Variants in ZNF423 observed in about 807,000 individuals in gnomAD.
ZNF423 encodes the protein zinc finger protein 423.
In ZNF423, 12 loss-of-function variants were observed where a neutral mutation model predicts 95.8. The observed-to-expected ratio is 0.13, with a 90% CI of 0.08 to 0.20. The LOEUF (loss-of-function observed/expected upper bound fraction) is 0.20, where lower values mean the gene tolerates loss of function less well. Among genes scored for constraint, ZNF423 ranks in the 10% least tolerant of loss-of-function variants. The pLI is 1.00. For missense variants in ZNF423, 1,316 were observed against 1,737.1 expected, an observed-to-expected ratio of 0.76 and a Z score of 4.31; for synonymous variants, 749 against 711.9, an observed-to-expected ratio of 1.05 and a Z score of -0.83.
chr16:49,720,018 T>C (rs939087641), intron 3 of ZNF423, among the ~76,000 whole-genome samples: 5 of 151,998 alleles, frequency 3.3e-5, no homozygotes, highest in African/African-American at 4.8e-5. Context: ...GACCTGAACA[T>C]AATATTGTAG....
intron 1 of ZNF423, among the ~76,000 whole-genome samples, chr16:49,794,501 C>A (rs1444786139): frequency 2.0e-5 from 3 of 152,212 alleles, no homozygotes; most frequent in Non-Finnish European, 4.4e-5. Context: ...TACGGCCCCC[C>A]ACACAAGCTC....
intron 7 of ZNF423, among the ~76,000 whole-genome samples, chr16:49,502,783 T>A: frequency 7.0e-6 from 1 of 142,426 alleles, no homozygotes; most frequent in African/African-American, 2.8e-5. Flanking sequence ...CACACACAAA[T>A]ACTCTAGACA....
At chr16:49,751,785 G>C (rs2033637517) in intron 2 of ZNF423, among the ~76,000 whole-genome samples, 1 of 152,174 alleles carries the variant, frequency 6.6e-6, no homozygotes, top group African/African-American at 2.4e-5. Flanking sequence ...AATAATGATG[G>C]GATCAGCCTT....
chr16:49,736,391 CA>C (rs1240203528), intron 2 of ZNF423, among the ~76,000 whole-genome samples: 3 of 152,192 alleles, frequency 2.0e-5, no homozygotes, highest in African/African-American at 7.2e-5. Flanking sequence ...AACCCCACTA[CA>C]CCACACCCAC....
At chr16:49,805,809 G>A (rs987575093) in intron 1 of ZNF423, among the ~76,000 whole-genome samples, 1 of 152,170 alleles carries the variant, frequency 6.6e-6, no homozygotes, top group African/African-American at 2.4e-5. Flanking sequence ...TTATTTTAAA[G>A]ACAAAGTGAA....
intron 3 of ZNF423, among the ~76,000 whole-genome samples, chr16:49,716,819 G>A (rs79612387): frequency 0.014 from 2,155 of 152,174 alleles, 61 homozygotes; most frequent in African/African-American, 0.05. Flanking sequence ...AGTGGAATCC[G>A]CATTACGGGA....
chr16:49,833,820 G>A (rs1191645914), intron 1 of ZNF423, among the ~76,000 whole-genome samples: 1 of 151,790 alleles, frequency 6.6e-6, no homozygotes, highest in Non-Finnish European at 1.5e-5. Flanking sequence ...TGTGCAGGGG[G>A]GCAGCAGGGC....
At chr16:49,630,012 A>T (rs1268764199) in intron 4 of ZNF423, among the ~76,000 whole-genome samples, 1 of 152,228 alleles carries the variant, frequency 6.6e-6, no homozygotes, top group Non-Finnish European at 1.5e-5. Flanking sequence ...TGACAAAACC[A>T]GGGGCCTTTC....
intron 5 of ZNF423, among the ~76,000 whole-genome samples, chr16:49,549,269 G>T (rs1969545865): frequency 6.6e-6 from 1 of 152,184 alleles, no homozygotes; most frequent in Non-Finnish European, 1.5e-5. Context: ...CTGAGGGTGG[G>T]AACAGGCAGG....
At chr16:49,671,175 G>C (rs997580570) in intron 3 of ZNF423, among the ~76,000 whole-genome samples, 3 of 152,200 alleles carry the variant, frequency 2.0e-5, no homozygotes, top group African/African-American at 7.2e-5. Flanking sequence ...TGGTCACCCA[G>C]GGGGCACAGA....
intron 7 of ZNF423, chr16:49,518,542 A>G (rs934184645): frequency 4.3e-5 from 19 of 439,766 alleles, no homozygotes; most frequent in Admixed American, 4.2e-4. Flanking sequence ...ATTCTAAATC[A>G]GCAGCTTTCA....
intron 1 of ZNF423, among the ~76,000 whole-genome samples, chr16:49,831,070 C>T (rs913523850): frequency 1.3e-5 from 2 of 152,118 alleles, no homozygotes; most frequent in South Asian, 2.1e-4. Flanking sequence ...CAACCCTCTC[C>T]CCAGGGGAAT....
At chr16:49,627,335 TACCCATCCATCCATCTACATACATACCC>T in intron 4 of ZNF423, among the ~76,000 whole-genome samples, 1 of 127,540 alleles carries the variant, frequency 7.8e-6, no homozygotes, top group African/African-American at 3.1e-5. Flanking sequence ...ATCCTCCATC[TACCCATCCATCCATCTACATACATACCC>T]ACCCATCCAT....
chr16:49,663,911 A>G (rs2030386132), intron 3 of ZNF423, among the ~76,000 whole-genome samples: 1 of 152,118 alleles, frequency 6.6e-6, no homozygotes, highest in African/African-American at 2.4e-5. Flanking sequence ...CTCTCATTCC[A>G]GAAAAAAACG....
At chr16:49,688,565 C>G (rs1473171795) in intron 3 of ZNF423, among the ~76,000 whole-genome samples, 2 of 152,154 alleles carry the variant, frequency 1.3e-5, no homozygotes, top group African/African-American at 2.4e-5. Context: ...TTGGGAGACT[C>G]TATGTATATT....
chr16:49,811,432 C>T (rs1368205560), intron 1 of ZNF423, among the ~76,000 whole-genome samples: 1 of 152,182 alleles, frequency 6.6e-6, no homozygotes, highest in East Asian at 1.9e-4. Context: ...CTACCCCCAA[C>T]CCAGCCCACG....
Position 49,855,508 on chromosome 16 carries a change from CCCTCCGCCGCCGCCGCCGCCGCCGCCG to C in ZNF423, c.40+200_40+226del, listed in dbSNP as rs1383511908. 3.0e-5 allele frequency among the ~76,000 whole-genome samples: 3 copies of C among 100,426 alleles called. 1 individual carries two copies. Among genetic ancestry groups the C allele is most frequent in the Admixed American group, 2.8e-4 (3 of 10,782 alleles). 65.9% of individuals were successfully genotyped at this position (100,426 alleles called of 152,430 possible). A position where few individuals can be genotyped will look rare whatever the true frequency, so the allele number is the denominator to read the frequency against. ...GCAGGGAGGGTGTCCGCGGCGTACC[CCCTCCGCCGCCGCCGCCGCCGCCGCCG>C]CCTCCGCCTCCTGCTCCCGGCTTCC... On this transcript the variant is annotated intron_variant, in intron 1 of 7. Coordinates refer to ENST00000563137, the MANE Select transcript of ZNF423 (RefSeq NM_001379286.1). The surrounding 1 kb of genome is among the most constrained non-coding windows in gnomAD (Gnocchi z 4.7).
chr16:49,692,919 T>C lies in ZNF423; in HGVS notation c.301+37852A>G, dbSNP rs556342593. 3.9e-5 allele frequency among the ~76,000 whole-genome samples: 6 copies of C among 152,382 alleles called. No individual in the cohort carries two copies. In the East Asian group the frequency reaches 9.6e-4, roughly 24 times the overall value. On this transcript the variant is annotated intron_variant, in intron 3 of 7. Transcript: ENST00000563137. ...CTGTGTCCTAAGCTTAGCCTAGCACTGTGCCAGGCACATAGTAGGTGCTTA... is the reference window on the plus strand; with the variant it reads ...CTGTGTCCTAAGCTTAGCCTAGCACCGTGCCAGGCACATAGTAGGTGCTTA...
chr16:49,729,517 T>C (rs1235251312), intron 3 of ZNF423, among the ~76,000 whole-genome samples: 1 of 152,078 alleles, frequency 6.6e-6, no homozygotes, highest in Non-Finnish European at 1.5e-5. Flanking sequence ...CTTCTAATTC[T>C]GATTTAGAAT....
Sources: allele counts gnomAD v4.1 joint callset (sites outside exome capture counted in the v4.1 genomes callset), GRCh38; gene constraint gnomAD v4.1.1; non-coding constraint Gnocchi (gnomAD v3.1); transcripts MANE v1.5; gene names NCBI Gene and HGNC (gene_info 2026-07-23, HGNC 2026-07-21).